The following H2AC25 variants were observed in gnomAD, a reference collection of about 807,000 sequenced individuals.
The protein encoded by H2AC25 is histone H2A type 3.
the H2AC25 span, chr1:228,457,602 G>T: frequency 6.2e-7 from 1 of 1,614,012 alleles, no homozygotes; most frequent in Non-Finnish European, 8.5e-7. Flanking sequence ...TCTTGTTGTC[G>T]CGCGCCGCGT....
chr1:228,457,813 G>A, the H2AC25 span: 2 of 1,594,034 alleles, frequency 1.3e-6, no homozygotes, highest in South Asian at 1.1e-5. Context: ...ACCACGACCG[G>A]ACATTTCCGA....
the H2AC25 span, chr1:228,457,417 G>A: frequency 6.2e-7 from 1 of 1,613,704 alleles, no homozygotes. Context: ...CGGGGGCGGC[G>A]GGCGGCCTCA....
the H2AC25 span, chr1:228,457,516 A>G: frequency 6.2e-7 from 1 of 1,614,054 alleles, no homozygotes; most frequent in Non-Finnish European, 8.5e-7. Context: ...CGCGATGGTC[A>G]CGCGGCCCAG....
chr1:228,457,771 T>G, the H2AC25 span: 1 of 1,610,364 alleles, frequency 6.2e-7, no homozygotes, highest in Admixed American at 1.7e-5. Context: ...CGAGCGCGAC[T>G]TAGCCTTGGC....
At chr1:228,457,770 C>CT in the H2AC25 span, 1 of 1,610,450 alleles carries the variant, frequency 6.2e-7, no homozygotes, top group South Asian at 1.1e-5. Context: ...ACGAGCGCGA[C>CT]TTAGCCTTGG....
At chr1:228,457,401 G>A in the H2AC25 span, 2 of 1,613,144 alleles carry the variant, frequency 1.2e-6, no homozygotes, top group Non-Finnish European at 8.5e-7. Flanking sequence ...TCCATCAAAG[G>A]GGCCCCGGGG....
the H2AC25 span, chr1:228,457,512 G>A: frequency 1.8e-5 from 29 of 1,613,990 alleles, no homozygotes; most frequent in African/African-American, 3.6e-4. Flanking sequence ...CCTGCGCGAT[G>A]GTCACGCGGC....
the H2AC25 span, chr1:228,457,599 G>A: frequency 3.7e-6 from 6 of 1,613,916 alleles, no homozygotes; most frequent in African/African-American, 4.0e-5. Flanking sequence ...TCTTCTTGTT[G>A]TCGCGCGCCG....
At chr1:228,457,392 C>T in the H2AC25 span, 1 of 1,612,352 alleles carries the variant, frequency 6.2e-7, no homozygotes, top group Non-Finnish European at 8.5e-7. Context: ...GCCTTTATGT[C>T]CATCAAAGGG....
the H2AC25 span, chr1:228,457,720 C>T: frequency 1.2e-6 from 2 of 1,612,840 alleles, no homozygotes; most frequent in African/African-American, 1.3e-5. Flanking sequence ...GCGGAGCAAC[C>T]GGTGCACGCG....
chr1:228,457,666 T>C, the H2AC25 span: 68 of 1,613,694 alleles, frequency 4.2e-5, no homozygotes, highest in Middle Eastern at 1.7e-4. Flanking sequence ...CGCGGCCAGA[T>C]AGACCGGGGC....
the H2AC25 span, chr1:228,457,435 T>G: frequency 6.2e-7 from 1 of 1,613,938 alleles, no homozygotes; most frequent in Admixed American, 1.7e-5. Flanking sequence ...TCACTTGCCC[T>G]TGGCCTTGTG....
chr1:228,457,850 G>T, the H2AC25 span: 3 of 1,573,936 alleles, frequency 1.9e-6, no homozygotes, highest in Non-Finnish European at 1.7e-6. Flanking sequence ...AACGGCAACC[G>T]AAAAGCGAGA....
the H2AC25 span, chr1:228,457,455 C>A: frequency 2.6e-3 from 4,121 of 1,614,086 alleles, 101 homozygotes; most frequent in Admixed American, 0.038. Flanking sequence ...GGTGGCTCTC[C>A]GTCTTCTTGG....
the H2AC25 span, chr1:228,457,679 C>T: frequency 2.5e-6 from 4 of 1,613,586 alleles, no homozygotes; most frequent in Admixed American, 6.7e-5. Context: ...ACCGGGGCGC[C>T]GGCGCCCACG....
the H2AC25 span, chr1:228,457,376 A>G: frequency 6.2e-7 from 1 of 1,605,446 alleles, no homozygotes. Flanking sequence ...GGTGGCTCTG[A>G]AAAGAGCCTT....
chr1:228,457,595 T>A, the H2AC25 span: 1 of 1,613,970 alleles, frequency 6.2e-7, no homozygotes, highest in African/African-American at 1.3e-5. Flanking sequence ...CGCGTCTTCT[T>A]GTTGTCGCGC....
the H2AC25 span, chr1:228,457,872 A>T: frequency 1.3e-6 from 2 of 1,553,936 alleles, no homozygotes; most frequent in Non-Finnish European, 1.7e-6. Context: ...TAAAAACAAG[A>T]GGGCAGTGAA....
At chr1:228,457,484 T>C in the H2AC25 span, 1 of 1,613,946 alleles carries the variant, frequency 6.2e-7, no homozygotes, top group Non-Finnish European at 8.5e-7. Flanking sequence ...ACGGCCTGGA[T>C]GTTGGGCAGG....
Sources: gnomAD v4.1 joint callset for allele counts on GRCh38, gnomAD v4.1.1 for gene constraint, MANE v1.5 for transcripts, NCBI Gene and HGNC (gene_info 2026-07-23, HGNC 2026-07-21) for gene names.